The following ZNF461 variants were observed in gnomAD, a reference collection of about 807,000 sequenced individuals.
ZNF461 encodes gonadotropin-inducible ovarian transcription factor-1.
A neutral mutation model predicts 18.3 loss-of-function variants in ZNF461; 16 were observed. The ratio of observed to expected loss-of-function variants is 0.88; its 90% CI spans 0.59 to 1.33. ZNF461 has a LOEUF of 1.33. Among genes scored for constraint, ZNF461 ranks in the 40% most tolerant of loss-of-function variants. ZNF461 has a pLI of 0.00. For synonymous variants in ZNF461, 179 were observed against 216.9 expected (o/e 0.83, Z 1.54); for missense variants, 595 against 669.9 (o/e 0.89, Z 1.23).
Position 36,641,001 on chromosome 19 carries a change from T to G in ZNF461, c.302-958A>C, listed in dbSNP as rs571924532. On this transcript the variant is annotated intron_variant, in intron 5 of 5. Coordinates refer to ENST00000588268, the MANE Select transcript of ZNF461 (RefSeq NM_153257.5). ...TTTTATTCATTAAGCTATAACCAAA[T>G]TAATCTGTCAACAATTAGGACATGC... Among the ~76,000 whole-genome samples the G allele has an allele frequency of 9.5e-4, 144 of 152,292 alleles. 2 individuals are homozygous for G. Among genetic ancestry groups the G allele is most frequent in the Non-Finnish European group, 1.7e-3 (118 of 68,030 alleles).
chr19:36,654,565 T>A (rs2037684268), intron 4 of ZNF461, among the ~76,000 whole-genome samples: 1 of 151,450 alleles, frequency 6.6e-6, no homozygotes, highest in Admixed American at 6.6e-5. Context: ...ACAGACAGGG[T>A]CTCACTATAT....
In ZNF461 at chr19:36,638,922, C is replaced by T; in HGVS notation, c.1423G>A (p.Gly475Ser). 1 of 1,607,014 alleles carries T rather than the reference C, an allele frequency of 6.2e-7. No homozygotes were observed. Among genetic ancestry groups the T allele is most frequent in the Non-Finnish European group, 8.5e-7 (1 of 1,174,962 alleles). ...GEKPHECMICGKAFRLHSHLI... is the reference protein window; with the variant it reads ...GEKPHECMICSKAFRLHSHLI... ...TGTGAATGAAGTCTAAAGGCCTTAC[C>T]ACATATCATGCATTCATGAGGTTTC... is the stretch of plus-strand genomic sequence containing the variant. The change falls in exon 6 of 6, where the codon GGT (glycine) becomes AGT (serine). Residue 475 changes from glycine (G) to serine (S), a missense_variant. By Grantham distance (56) the Gly-to-Ser change is moderately conservative. Coordinates refer to ENST00000588268, the MANE Select transcript of ZNF461 (RefSeq NM_153257.5).
intron 4 of ZNF461, among the ~76,000 whole-genome samples, chr19:36,648,140 T>C (rs946935264): frequency 6.6e-6 from 1 of 151,988 alleles, no homozygotes; most frequent in Admixed American, 6.6e-5. Flanking sequence ...GATTGCACCA[T>C]TGCTTTCCAG....
chr19:36,641,744 T>G (rs918146780), intron 5 of ZNF461, among the ~76,000 whole-genome samples: 6 of 151,894 alleles, frequency 4.0e-5, no homozygotes, highest in African/African-American at 4.8e-5. Context: ...TTAATGCCCT[T>G]AAATTTGTAA....
chr19:36,656,786 G>A (rs1238363973), intron 3 of ZNF461, among the ~76,000 whole-genome samples: 1 of 150,122 alleles, frequency 6.7e-6, no homozygotes, highest in African/African-American at 2.4e-5. Context: ...CTTTTTTGCT[G>A]TGAGGAAAAA....
intron 2 of ZNF461, among the ~76,000 whole-genome samples, chr19:36,664,325 T>C (rs3108193): frequency 0.67 from 102,210 of 152,092 alleles, 34,683 homozygotes; most frequent in East Asian, 0.82. Flanking sequence ...CAGGGGCTCA[T>C]GCCTGTAATC....
chr19:36,653,709 A>C (rs1011942024), intron 4 of ZNF461, among the ~76,000 whole-genome samples: 6 of 152,220 alleles, frequency 3.9e-5, no homozygotes, highest in Non-Finnish European at 8.8e-5. Context: ...AAGTGCCCCC[A>C]TGATTCAATT....
intron 4 of ZNF461, among the ~76,000 whole-genome samples, chr19:36,654,052 G>GTA (rs2037674231): frequency 6.6e-6 from 1 of 152,064 alleles, no homozygotes; most frequent in Admixed American, 6.5e-5. Context: ...GTTGGGTAAG[G>GTA]TATTAACCCT....
intron 4 of ZNF461, among the ~76,000 whole-genome samples, chr19:36,649,484 T>C (rs113053822): frequency 0.014 from 2,198 of 152,090 alleles, 25 homozygotes; most frequent in Non-Finnish European, 0.022. Context: ...GCTGGGCCAT[T>C]GTGCCCAGCT....
intron 4 of ZNF461, among the ~76,000 whole-genome samples, chr19:36,652,416 A>G (rs577373566): frequency 3.8e-4 from 57 of 150,470 alleles, no homozygotes; most frequent in Non-Finnish European, 6.5e-4. Flanking sequence ...CAGGAGAATC[A>G]CTTGAACCTG....
intron 4 of ZNF461, among the ~76,000 whole-genome samples, chr19:36,649,716 A>C (rs2037593076): frequency 6.6e-6 from 1 of 152,214 alleles, no homozygotes. Flanking sequence ...CCACACACAA[A>C]AAAATAAGTT....
rs768481500 is a variant in ZNF461, at chr19:36,643,109, CTTAT to C, written c.301+681_301+684del. 3.9e-3 allele frequency among the ~76,000 whole-genome samples: 590 copies of C among 151,046 alleles called. 1 individual carries two copies. The highest frequency in any genetic ancestry group is 7.2e-3 in the Non-Finnish European group (481 of 67,180). On this transcript the variant is annotated intron_variant, in intron 5 of 5. Coordinates refer to ENST00000588268, the MANE Select transcript of ZNF461 (RefSeq NM_153257.5). ...AACAACCACTACACTCATACACATA[CTTAT>C]TTATGTACAGATATAAACACAAACA...
Position 36,637,711 on chromosome 19 carries a change from T to C in ZNF461, c.*942A>G. On this transcript the variant is annotated 3_prime_UTR_variant, in exon 6 of 6. Transcript: ENST00000588268. Reference sequence around the variant, plus strand: ...AAAAAAAAAAATGAAGTAGGCCAAATGTGGACTAATAATGAGAATGTGTAA... The same window carrying C: ...AAAAAAAAAAATGAAGTAGGCCAAACGTGGACTAATAATGAGAATGTGTAA... The C allele has an allele frequency of 3.4e-6, 1 of 291,240 alleles. No individual in the cohort carries two copies. The highest frequency in any genetic ancestry group is 6.8e-6 in the Non-Finnish European group (1 of 147,538). 18.0% of individuals were successfully genotyped at this position (291,240 alleles called of 1,614,324 possible). A position where few individuals can be genotyped will look rare whatever the true frequency, so the allele number is the denominator to read the frequency against.
chr19:36,663,576 G>A (rs2037853631), intron 2 of ZNF461, among the ~76,000 whole-genome samples: 1 of 147,054 alleles, frequency 6.8e-6, no homozygotes, highest in Admixed American at 6.9e-5. Flanking sequence ...CTGGAGTGCA[G>A]TGGTGTGATC....
chr19:36,655,328 G>A (rs1247338382), intron 4 of ZNF461, among the ~76,000 whole-genome samples: 1 of 152,166 alleles, frequency 6.6e-6, no homozygotes, highest in Non-Finnish European at 1.5e-5. Context: ...AGCAGGCTGG[G>A]CACAGTGGTG....
At chr19:36,656,772 T>A (rs2037728393) in intron 3 of ZNF461, among the ~76,000 whole-genome samples, 1 of 152,006 alleles carries the variant, frequency 6.6e-6, no homozygotes, top group Non-Finnish European at 1.5e-5. Flanking sequence ...TATGTAAGGT[T>A]TCTCTTTTTT....
intron 4 of ZNF461, among the ~76,000 whole-genome samples, chr19:36,656,147 A>G (rs3108211): frequency 0.67 from 101,963 of 151,260 alleles, 34,729 homozygotes; most frequent in East Asian, 0.82. Context: ...ACAGGCGCCC[A>G]CCACTGCGCC....
chr19:36,649,401 G>T (rs2145387015), intron 4 of ZNF461, among the ~76,000 whole-genome samples: 1 of 152,132 alleles, frequency 6.6e-6, no homozygotes, highest in Middle Eastern at 3.4e-3. Context: ...CATAATCTTG[G>T]CTCACTGCAA....
intron 4 of ZNF461, among the ~76,000 whole-genome samples, chr19:36,652,015 G>A (rs1337232292): frequency 6.6e-6 from 1 of 152,124 alleles, no homozygotes; most frequent in Non-Finnish European, 1.5e-5. Flanking sequence ...TGCAGAAAGA[G>A]AGCCACACAA....
Sources: gnomAD v4.1 joint callset for allele counts (sites outside exome capture counted in the v4.1 genomes callset) on GRCh38, gnomAD v4.1.1 for gene constraint, MANE v1.5 for transcripts, NCBI Gene and HGNC (gene_info 2026-07-23, HGNC 2026-07-21) for gene names.